KCNQ1OT1: variants seen among roughly 807,000 people sequenced by gnomAD.
The protein encoded by KCNQ1OT1 is KCNQ1 opposite strand/antisense transcript 1, also known as KCNQ1 antisense RNA 2 (non-protein coding).
Position 2,624,842 on chromosome 11 carries a change from C to G in KCNQ1OT1, n.75153G>C. The G allele has an allele frequency of 5.0e-6, 2 of 398,536 alleles. No individual in the cohort carries two copies. Among genetic ancestry groups the G allele is most frequent in the East Asian group, 7.1e-5 (2 of 28,064 alleles). The allele number at this position is 398,536 out of a possible 1,614,324, so 24.7% of individuals were successfully genotyped here. On this transcript the variant is annotated non_coding_transcript_exon_variant, in exon 1 of 1. Coordinates refer to ENST00000597346, the Ensembl canonical transcript of KCNQ1OT1. The surrounding 1 kb of genome is among the most constrained non-coding windows in gnomAD (Gnocchi z 4.9). The stretch of plus-strand genomic sequence containing the variant: ...ATATAAGTGGAAACATACAGTACTT[C>G]TCTTCTTGTGACTGCTGTATTTCAT...
chr11:2,662,186 A>G (rs536623777), exon 1 of KCNQ1OT1: 2 of 1,497,716 alleles, frequency 1.3e-6, no homozygotes, highest in African/African-American at 1.4e-5. Context: ...AGTGCTATCT[A>G]CTCGCCTAGT....
chr11:2,686,823 C>A (rs997967127), exon 1 of KCNQ1OT1: 1 of 398,678 alleles, frequency 2.5e-6, no homozygotes, highest in East Asian at 3.6e-5. Flanking sequence ...AAGAGCAGCA[C>A]AAGTAACTCA....
chr11:2,626,577 G>A lies in KCNQ1OT1; in HGVS notation n.73418C>T. The A allele has an allele frequency of 2.5e-6, 1 of 398,614 alleles. No homozygotes were observed. Among genetic ancestry groups the A allele is most frequent in the Non-Finnish European group, 4.4e-6 (1 of 226,086 alleles). The allele number at this position is 398,614 out of a possible 1,614,324, so 24.7% of individuals were successfully genotyped here. A position where few individuals can be genotyped will look rare whatever the true frequency, so the allele number is the denominator to read the frequency against. On this transcript the variant is annotated non_coding_transcript_exon_variant, in exon 1 of 1. Transcript: ENST00000597346. The surrounding 1 kb of genome is among the most constrained non-coding windows in gnomAD (Gnocchi z 4.0). ...ACATTCTTACTCTGTTGCCCACGCT[G>A]GAGTACAGTGGCATTATCACTGCTT...
At chr11:2,615,597 A>G (rs1849047740) in exon 1 of KCNQ1OT1, 3 of 397,918 alleles carry the variant, frequency 7.5e-6, no homozygotes, top group Non-Finnish European at 1.3e-5. Context: ...GAAAGGTTGT[A>G]GAATTTTGTC....
In KCNQ1OT1 at chr11:2,663,615, A is replaced by G; in HGVS notation, n.36380T>C. ...CTCACCTTGGTTCTCTTGGTCACGG[A>G]CCAGCATCCAGACATGCAAAAAGTC... On this transcript the variant is annotated non_coding_transcript_exon_variant, in exon 1 of 1. Transcript: ENST00000597346. The surrounding 1 kb of genome is among the most constrained non-coding windows in gnomAD (Gnocchi z 5.2). The G allele has an allele frequency of 2.5e-6, 1 of 398,652 alleles. No homozygotes were observed. Among genetic ancestry groups the G allele is most frequent in the Non-Finnish European group, 4.4e-6 (1 of 226,092 alleles). 24.7% of individuals were successfully genotyped at this position (398,652 alleles called of 1,614,324 possible).
In KCNQ1OT1 at chr11:2,678,795, G is replaced by T. The variant is rs1051876137; in HGVS notation, n.21200C>A. 14 of 398,496 alleles carry T rather than the reference G, an allele frequency of 3.5e-5. No homozygotes were observed. The highest frequency in any genetic ancestry group is 6.2e-5 in the Non-Finnish European group (14 of 226,082). The allele number at this position is 398,496 out of a possible 1,614,324, so 24.7% of individuals were successfully genotyped here. A position where few individuals can be genotyped will look rare whatever the true frequency, so the allele number is the denominator to read the frequency against. ...CATCGTGGCAGCTAATAATGTCAGG[G>T]AGCATGAGCACTTGTTTCTTCCAAG... On this transcript the variant is annotated non_coding_transcript_exon_variant, in exon 1 of 1. Coordinates refer to ENST00000597346, the Ensembl canonical transcript of KCNQ1OT1. The surrounding 1 kb of genome is among the most constrained non-coding windows in gnomAD (Gnocchi z 4.9).
Position 2,611,845 on chromosome 11 carries a change from T to G in KCNQ1OT1, n.88150A>C. On this transcript the variant is annotated non_coding_transcript_exon_variant, in exon 1 of 1. Coordinates refer to ENST00000597346, the Ensembl canonical transcript of KCNQ1OT1. The surrounding 1 kb of genome is among the most constrained non-coding windows in gnomAD (Gnocchi z 5.3). ...ATAGATATGTTCTAGAGTACCATTC[T>G]AATTCCTTTGTTAGTTTATTTCCCC... 2.5e-6 allele frequency: 1 copy of G among 398,516 alleles called. No homozygotes were observed. Among genetic ancestry groups the G allele is most frequent in the Non-Finnish European group, 4.4e-6 (1 of 226,026 alleles). The allele number at this position is 398,516 out of a possible 1,614,324, so 24.7% of individuals were successfully genotyped here.
Position 2,669,978 on chromosome 11 carries a change from A to G in KCNQ1OT1, n.30017T>C. 1 of 398,652 alleles carries G rather than the reference A, an allele frequency of 2.5e-6. No individual in the cohort carries two copies. The highest frequency in any genetic ancestry group is 4.4e-6 in the Non-Finnish European group (1 of 226,144). The allele number at this position is 398,652 out of a possible 1,614,324, so 24.7% of individuals were successfully genotyped here. On this transcript the variant is annotated non_coding_transcript_exon_variant, in exon 1 of 1. Transcript: ENST00000597346. This position sits in a 1 kb window ranked among gnomAD's most constrained non-coding sequence, Gnocchi z 5.6. ...GAAGTCTAGAGGTCCCCAAGTCACA[A>G]CCTCAAATCTCGGAATGGGGTTCAG...
Position 2,664,014 on chromosome 11 carries a change from T to A in KCNQ1OT1, n.35981A>T. 1 of 398,726 alleles carries A rather than the reference T, an allele frequency of 2.5e-6. No individual in the cohort carries two copies. Among genetic ancestry groups the A allele is most frequent in the Non-Finnish European group, 4.4e-6 (1 of 226,132 alleles). 24.7% of individuals were successfully genotyped at this position (398,726 alleles called of 1,614,324 possible). A position where few individuals can be genotyped will look rare whatever the true frequency, so the allele number is the denominator to read the frequency against. The stretch of plus-strand genomic sequence containing the variant: ...CCACTTTGGGTCTGGCACATTACCA[T>A]TCTGCAAGATCCTGCAGCCTTTTCA... On this transcript the variant is annotated non_coding_transcript_exon_variant, in exon 1 of 1. Coordinates refer to ENST00000597346, the Ensembl canonical transcript of KCNQ1OT1. This position sits in a 1 kb window ranked among gnomAD's most constrained non-coding sequence, Gnocchi z 5.1.
At chr11:2,685,724 G>T in exon 1 of KCNQ1OT1, 1 of 398,670 alleles carries the variant, frequency 2.5e-6, no homozygotes, top group South Asian at 1.3e-4. Flanking sequence ...AGGGTGCTCT[G>T]ACAGTCCGCC....
exon 1 of KCNQ1OT1, chr11:2,662,453 TGG>T: frequency 3.9e-6 from 1 of 257,012 alleles, no homozygotes; most frequent in Non-Finnish European, 7.5e-6. Context: ...GCCAAAGCCA[TGG>T]GGCAGATGCC....
In KCNQ1OT1 at chr11:2,699,415, GCCGCGCTGAGGAGAGTCTGGGAGAA is replaced by G. The variant is rs531253689; in HGVS notation, n.555_579del. On this transcript the variant is annotated non_coding_transcript_exon_variant, in exon 1 of 1. Coordinates refer to ENST00000597346, the Ensembl canonical transcript of KCNQ1OT1. ...AAACCCTCCCAGAGAGATGGGGAGG[GCCGCGCTGAGGAGAGTCTGGGAGAA>G]CCGCACTGAGGAGCCGCCGGGAGAG... 4.3e-3 allele frequency: 1,714 copies of G among 401,564 alleles called. 21 individuals carry two copies. Among genetic ancestry groups the G allele is most frequent in the African/African-American group, 0.032 (1,559 of 48,588 alleles). The allele number at this position is 401,564 out of a possible 1,614,324, so 24.9% of individuals were successfully genotyped here.
At position 2,670,976 on chromosome 11, in the gene KCNQ1OT1, C is replaced by T. The variant is rs187551401; in HGVS notation, n.29019G>A. The T allele has an allele frequency of 1.0e-3, 410 of 398,640 alleles. 1 individual carries two copies. The highest frequency in any genetic ancestry group is 1.6e-3 in the Non-Finnish European group (357 of 226,080). The allele number at this position is 398,640 out of a possible 1,614,324, so 24.7% of individuals were successfully genotyped here. A position where few individuals can be genotyped will look rare whatever the true frequency, so the allele number is the denominator to read the frequency against. ...TCTTATGGTGCCCCAGAGCCCCTGG[C>T]TAGGCATTCATGCTTTAGATATGTG... On this transcript the variant is annotated non_coding_transcript_exon_variant, in exon 1 of 1. Transcript: ENST00000597346. The surrounding 1 kb of genome is among the most constrained non-coding windows in gnomAD (Gnocchi z 4.9).
rs899258621 is a variant in KCNQ1OT1, at chr11:2,620,867, T to G, written n.79128A>C. ...CCCAGCAACTTTTATTTTTTTGACT[T>G]TTTAATAATTGCCATTCTGACTGGT... is the stretch of plus-strand genomic sequence containing the variant. On this transcript the variant is annotated non_coding_transcript_exon_variant, in exon 1 of 1. Transcript: ENST00000597346. This position sits in a 1 kb window ranked among gnomAD's most constrained non-coding sequence, Gnocchi z 4.5. The G allele has an allele frequency of 5.0e-6, 2 of 398,584 alleles. No homozygotes were observed. The highest frequency in any genetic ancestry group is 4.4e-6 in the Non-Finnish European group (1 of 226,060). 24.7% of individuals were successfully genotyped at this position (398,584 alleles called of 1,614,324 possible). A position where few individuals can be genotyped will look rare whatever the true frequency, so the allele number is the denominator to read the frequency against.
At chr11:2,672,235 C>G in exon 1 of KCNQ1OT1, 1 of 398,660 alleles carries the variant, frequency 2.5e-6, no homozygotes, top group Non-Finnish European at 4.4e-6. Context: ...CCAAAATACT[C>G]AAATGCTTTT....
At chr11:2,614,844 C>G (rs975539798) in exon 1 of KCNQ1OT1, 6 of 398,174 alleles carry the variant, frequency 1.5e-5, no homozygotes, top group African/African-American at 1.2e-4. Flanking sequence ...CAACTTTGTT[C>G]TTTTTCAATA....
Position 2,664,042 on chromosome 11 carries a change from T to C in KCNQ1OT1, n.35953A>G, listed in dbSNP as rs553075154. 8 of 398,672 alleles carry C rather than the reference T, an allele frequency of 2.0e-5. No individual in the cohort carries two copies. The South Asian group carries it at 1.0e-3, about 51-fold the overall frequency. 24.7% of individuals were successfully genotyped at this position (398,672 alleles called of 1,614,324 possible). A position where few individuals can be genotyped will look rare whatever the true frequency, so the allele number is the denominator to read the frequency against. On this transcript the variant is annotated non_coding_transcript_exon_variant, in exon 1 of 1. Transcript: ENST00000597346. The surrounding 1 kb of genome is among the most constrained non-coding windows in gnomAD (Gnocchi z 5.1). Reference sequence around the variant, plus strand: ...TGCAAGATCCTGCAGCCTTTTCAGGTTGGCACTCCCATGGCCTCCAGTGAT... The same window carrying C: ...TGCAAGATCCTGCAGCCTTTTCAGGCTGGCACTCCCATGGCCTCCAGTGAT...
At chr11:2,699,035 C>A in exon 1 of KCNQ1OT1, 1 of 398,666 alleles carries the variant, frequency 2.5e-6, no homozygotes. Context: ...GGATTTCCGA[C>A]TCCGGTCCCA....
chr11:2,665,928 T>C, exon 1 of KCNQ1OT1: 1 of 398,554 alleles, frequency 2.5e-6, no homozygotes, highest in Non-Finnish European at 4.4e-6. Context: ...CCTGGGAGGC[T>C]GAAATCATTT....
Sources: gnomAD v4.1 joint callset for allele counts on GRCh38, gnomAD v4.1.1 for gene constraint, Gnocchi (gnomAD v3.1) non-coding constraint, MANE v1.5 for transcripts, NCBI Gene and HGNC (gene_info 2026-07-23, HGNC 2026-07-21) for gene names.